The following BRAF variants were observed in gnomAD, a reference collection of about 807,000 sequenced individuals.
The protein encoded by BRAF is B-Raf proto-oncogene, serine/threonine kinase.
A neutral mutation model predicts 104.6 loss-of-function variants in BRAF; 16 were observed. That is an observed-to-expected ratio of 0.15 (90% CI 0.10 to 0.23). The LOEUF (loss-of-function observed/expected upper bound fraction) is 0.23. BRAF is among the 10% of genes least tolerant of loss of function. The probability of loss-of-function intolerance (pLI) is 1.00; values close to 1 mark genes in which losing one functional copy is unlikely to be tolerated. For missense variants in BRAF, 541 were observed against 937.3 expected (o/e 0.58, Z 5.52); for synonymous variants, 310 against 341.6 (o/e 0.91, Z 1.02).
intron 8 of BRAF, among the ~76,000 whole-genome samples, chr7:140,793,389 C>A (rs1377178580): frequency 6.6e-6 from 1 of 151,804 alleles, no homozygotes; most frequent in African/African-American, 2.4e-5. Flanking sequence ...AAAACTAGTA[C>A]TAGAAAAAAG....
chr7:140,726,813 C>T (rs1231613306), intron 19 of BRAF, among the ~76,000 whole-genome samples: 1 of 152,186 alleles, frequency 6.6e-6, no homozygotes, highest in Admixed American at 6.5e-5. Context: ...AACAAAATTT[C>T]TCAGAAACTG....
Position 140,722,446 on chromosome 7 carries a change from T to G in BRAF, c.*4048A>C. ...ATCATGAAGGCACAGTAAGATCATT[T>G]GGCAAATTGTCAAGGTATTTTTCTA... On this transcript the variant is annotated 3_prime_UTR_variant, in exon 20 of 20. Coordinates refer to ENST00000644969, the MANE Select transcript of BRAF (RefSeq NM_001374258.1). The G allele has an allele frequency of 9.5e-7, 1 of 1,055,244 alleles. No homozygotes were observed. The allele number at this position is 1,055,244 out of a possible 1,614,324, so 65.4% of individuals were successfully genotyped here. A position where few individuals can be genotyped will look rare whatever the true frequency, so the allele number is the denominator to read the frequency against.
Position 140,786,739 on chromosome 7 carries a change from T to C in BRAF, c.1177+809A>G, listed in dbSNP as rs544248257. Among the ~76,000 whole-genome samples, 119 of 152,322 alleles carry C rather than the reference T, an allele frequency of 7.8e-4. 1 individual carries two copies. In the South Asian group the frequency reaches 0.024, roughly 31 times the overall value. ...AAGTTGAAGGAAGTGGTTGATAATG[T>C]CTGACAAACCCCCTCTTCAGAATGA... On this transcript the variant is annotated intron_variant, in intron 9 of 19. Transcript: ENST00000644969.
At chr7:140,735,759 C>T (rs1164712526) in intron 18 of BRAF, among the ~76,000 whole-genome samples, 2 of 151,926 alleles carry the variant, frequency 1.3e-5, no homozygotes, top group Non-Finnish European at 2.9e-5. Flanking sequence ...GGTTTCACCA[C>T]GTTGGCCAGG....
chr7:140,818,032 TA>T (rs59384670), intron 3 of BRAF, among the ~76,000 whole-genome samples: 3 of 147,094 alleles, frequency 2.0e-5, no homozygotes, highest in East Asian at 2.0e-4. Context: ...CCTTACAAAT[TA>T]AAAAAAAAAC....
downstream of BRAF, among the ~76,000 whole-genome samples, chr7:140,716,850 T>C (rs1795139337): frequency 6.6e-6 from 1 of 152,238 alleles, no homozygotes; most frequent in East Asian, 1.9e-4. Context: ...TTGGTTCCAA[T>C]TGCCCCTAGA....
intron 7 of BRAF, among the ~76,000 whole-genome samples, chr7:140,798,673 A>G (rs1269327270): frequency 6.6e-6 from 1 of 150,746 alleles, no homozygotes. Context: ...TTCCAAAGCT[A>G]ATTAGGTGCA....
intron 17 of BRAF, among the ~76,000 whole-genome samples, chr7:140,742,917 T>C (rs1039749142): frequency 6.6e-6 from 1 of 151,630 alleles, no homozygotes; most frequent in African/African-American, 2.4e-5. Context: ...GCAAAGGACA[T>C]GAACAGACAC....
intron 17 of BRAF, 22 bp downstream of exon 16, chr7:140,749,265 C>T (rs1797593948): frequency 2.5e-6 from 4 of 1,610,322 alleles, no homozygotes; most frequent in East Asian, 2.2e-5. Context: ...AAAATAAACA[C>T]CAAGACGTGG....
intron 3 of BRAF, among the ~76,000 whole-genome samples, chr7:140,814,753 T>C (rs968535981): frequency 1.7e-4 from 23 of 133,208 alleles, no homozygotes; most frequent in Non-Finnish European, 2.9e-4. Flanking sequence ...ATACAATATA[T>C]AACATATATA....
chr7:140,729,043 T>G lies in BRAF; in HGVS notation c.2402-2527A>C, dbSNP rs1480228017. ...GAGTTTGAGACCAGGTAGGGCAACA[T>G]AGTGAGACGCTGTCTCTCCAAAAAA... On this transcript the variant is annotated intron_variant, in intron 19 of 19. Coordinates refer to ENST00000644969, the MANE Select transcript of BRAF (RefSeq NM_001374258.1). 2.2e-5 allele frequency among the ~76,000 whole-genome samples: 3 copies of G among 134,490 alleles called. No homozygotes were observed. In the East Asian group the frequency reaches 6.4e-4, roughly 29 times the overall value. The allele number at this position is 134,490 out of a possible 152,430, so 88.2% of individuals were successfully genotyped here. A position where few individuals can be genotyped will look rare whatever the true frequency, so the allele number is the denominator to read the frequency against.
At chr7:140,792,684 A>G (rs1449795843) in intron 8 of BRAF, among the ~76,000 whole-genome samples, 1 of 152,222 alleles carries the variant, frequency 6.6e-6, no homozygotes, top group East Asian at 1.9e-4. Flanking sequence ...GTAATTATCT[A>G]TTTAAATGTT....
At chr7:140,805,987 A>G (rs1003931007) in intron 5 of BRAF, among the ~76,000 whole-genome samples, 1 of 152,178 alleles carries the variant, frequency 6.6e-6, no homozygotes, top group Non-Finnish European at 1.5e-5. Context: ...TATTTTACAG[A>G]AAAATCCAAA....
At chr7:140,835,254 T>C in intron 2 of BRAF, 1 of 196,870 alleles carries the variant, frequency 5.1e-6, no homozygotes, top group Non-Finnish European at 1.1e-5. Flanking sequence ...AAGAATTATT[T>C]TGTCCCGGAA....
intron 1 of BRAF, among the ~76,000 whole-genome samples, chr7:140,878,295 G>A (rs781426825): frequency 7.2e-5 from 11 of 151,832 alleles, no homozygotes; most frequent in Admixed American, 2.0e-4. Flanking sequence ...AATGATATAG[G>A]AGCTAAAATA....
intron 18 of BRAF, among the ~76,000 whole-genome samples, chr7:140,735,284 GAGT>G (rs1796311868): frequency 6.6e-6 from 1 of 152,222 alleles, no homozygotes; most frequent in Non-Finnish European, 1.5e-5. Context: ...CACAGACCCA[GAGT>G]GCTAGTAGCA....
intron 1 of BRAF, among the ~76,000 whole-genome samples, chr7:140,879,550 TA>T (rs71170768): frequency 0.75 from 91,374 of 121,556 alleles, 34,749 homozygotes; most frequent in Non-Finnish European, 0.82. Context: ...AGCATTATTC[TA>T]AAAAAAAAAA....
chr7:140,850,347 G>T, intron 1 of BRAF, 135 bp from the exon 2 acceptor site: 5 of 624,978 alleles, frequency 8.0e-6, no homozygotes, highest in Admixed American at 3.2e-5. Context: ...TTAGTACAGT[G>T]GTTTTTCTCT....
At chr7:140,868,757 G>T (rs1811244807) in intron 1 of BRAF, among the ~76,000 whole-genome samples, 1 of 152,146 alleles carries the variant, frequency 6.6e-6, no homozygotes, top group Non-Finnish European at 1.5e-5. Context: ...TGAAAAAAAG[G>T]AAACAATATG....
Sources: allele counts gnomAD v4.1 joint callset (sites outside exome capture counted in the v4.1 genomes callset), GRCh38; gene constraint gnomAD v4.1.1; transcripts MANE v1.5; gene names NCBI Gene and HGNC (gene_info 2026-07-23, HGNC 2026-07-21).